DZIP1L: variants seen among roughly 807,000 people sequenced by gnomAD.
DZIP1L encodes cilium assembly protein DZIP1L.
DZIP1L carries 90 observed loss-of-function variants against 88.7 expected under a neutral mutation model. That is an observed-to-expected ratio of 1.02 (90% CI 0.86 to 1.21). The LOEUF (loss-of-function observed/expected upper bound fraction) is 1.21. DZIP1L is among the 50% of genes most tolerant of loss of function. DZIP1L has a pLI of 0.00. For missense variants in DZIP1L, 932 were observed against 955.8 expected, an observed-to-expected ratio of 0.98 and a Z score of 0.33; for synonymous variants, 363 against 372.1, an observed-to-expected ratio of 0.98 and a Z score of 0.28.
rs1442522015 is a variant in DZIP1L, at chr3:138,084,168, G to A, written c.1148C>T (p.Thr383Ile). The change falls in exon 8 of 16, where the codon ACC becomes ATC. Residue 383 changes from threonine (T) to isoleucine (I), a missense_variant. By Grantham distance (89) the Thr-to-Ile change is moderately conservative. Transcript: ENST00000327532. ...AAAQSQCQIS[T>I]LRAQLQEQAR... is the part of the protein sequence containing the mutation. ...TTGTTCCTGCAGCTGGGCACGGAGG[G>A]TGCTGATCTGGCACTGGGACTGGGC... 2 of 1,614,086 alleles carry A rather than the reference G, an allele frequency of 1.2e-6. No individual in the cohort carries two copies. The highest frequency in any genetic ancestry group is 1.3e-5 in the African/African-American group (1 of 74,938).
chr3:138,113,452 G>T (rs2042648700), intron 1 of DZIP1L: 1 of 152,180 alleles, frequency 6.6e-6, no homozygotes, highest in Non-Finnish European at 1.5e-5. Context: ...AGTTTCCAAG[G>T]TGGCTGCCAG....
rs1185644420 is a variant in DZIP1L at position 138,063,274 on chromosome 3, C to A, written c.2143-297G>T. On this transcript the variant is annotated intron_variant, in intron 15 of 15. Coordinates refer to ENST00000327532, the MANE Select transcript of DZIP1L (RefSeq NM_173543.3). This position sits in a 1 kb window ranked among gnomAD's most constrained non-coding sequence, Gnocchi z 4.1. ...GAGAAGGTTGCTCTCATTTTCACTT[C>A]AACTTTGGGCAGATTTTTAACTCCC... 6.6e-6 allele frequency among the ~76,000 whole-genome samples: 1 copy of A among 152,206 alleles called. No homozygotes were observed. The highest frequency in any genetic ancestry group is 2.1e-4 in the South Asian group (1 of 4,824).
At chr3:138,111,837 A>C (rs1158366800) in intron 1 of DZIP1L, among the ~76,000 whole-genome samples, 1 of 152,116 alleles carries the variant, frequency 6.6e-6, no homozygotes, top group Non-Finnish European at 1.5e-5. Context: ...TCTACTAAAA[A>C]TACAAAAATT....
chr3:138,067,159 T>C (rs905962802), intron 14 of DZIP1L, among the ~76,000 whole-genome samples: 2 of 152,174 alleles, frequency 1.3e-5, no homozygotes, highest in African/African-American at 4.8e-5. Context: ...TCCTGGGCCC[T>C]GTCACCACTA....
intron 7 of DZIP1L, 102 bp from the exon 8 acceptor site, chr3:138,084,355 A>C: frequency 6.9e-7 from 1 of 1,452,280 alleles, no homozygotes. Context: ...AGGCAAGCAC[A>C]GTAAAGGATT....
intron 15 of DZIP1L, among the ~76,000 whole-genome samples, chr3:138,064,161 C>T (rs535524837): frequency 1.3e-5 from 2 of 152,260 alleles, no homozygotes; most frequent in African/African-American, 4.8e-5. Flanking sequence ...TAAATATTCC[C>T]ATCTTGTGCT....
At chr3:138,111,663 G>C (rs763354992) in intron 1 of DZIP1L, among the ~76,000 whole-genome samples, 1 of 152,140 alleles carries the variant, frequency 6.6e-6, no homozygotes, top group Non-Finnish European at 1.5e-5. Flanking sequence ...AGAACCCTAA[G>C]GGTCCAATTC....
intron 1 of DZIP1L, among the ~76,000 whole-genome samples, chr3:138,106,142 T>C (rs1377477645): frequency 7.3e-6 from 1 of 136,364 alleles, no homozygotes; most frequent in African/African-American, 2.7e-5. Context: ...TTTTTTTTTT[T>C]TTTTTTTTTT....
chr3:138,103,433 A>G (rs778899406), intron 2 of DZIP1L, 38 bp downstream of exon 2: 1 of 1,559,276 alleles, frequency 6.4e-7, no homozygotes. Flanking sequence ...TGGGGCACAC[A>G]GCCCTCCCAC....
chr3:138,064,656 C>G lies in DZIP1L; in HGVS notation c.2114G>C (p.Arg705Thr). 1 of 1,614,184 alleles carries G rather than the reference C, an allele frequency of 6.2e-7. No homozygotes were observed. ...AGGCTTCCTTCCTGGTGTGGCAGCC[C>G]TCTGTGGCCCAGCATTGGGCATAAA... The part of the protein sequence containing the change: ...LFFMPNAGPQ[R>T]AATPGRKPQL... The change falls in exon 15 of 16, where the codon AGG becomes ACG. Residue 705 changes from arginine (R) to threonine (T), a missense_variant. By Grantham distance (71) the Arg-to-Thr change is moderately conservative. Transcript: ENST00000327532.
chr3:138,090,873 G>A (rs143803704), intron 5 of DZIP1L, among the ~76,000 whole-genome samples: 1,768 of 151,832 alleles, frequency 0.012, 22 homozygotes, highest in Middle Eastern at 0.034. Flanking sequence ...GGGAAGATAT[G>A]GTCAAGGGAT....
chr3:138,101,765 TG>T, intron 2 of DZIP1L: 1 of 1,029,634 alleles, frequency 9.7e-7, no homozygotes, highest in South Asian at 1.3e-5. Flanking sequence ...TTCCTATAGG[TG>T]GCGATCTTGA....
intron 1 of DZIP1L, among the ~76,000 whole-genome samples, chr3:138,109,234 T>C (rs1267682114): frequency 6.6e-6 from 1 of 152,246 alleles, no homozygotes. Flanking sequence ...ATTTTATGTA[T>C]AGACACTGTT....
chr3:138,062,988 TA>T lies in DZIP1L; in HGVS notation c.2143-12del. ...CTCATCTTCAGAAAGCTGCAGGGGGTAAAGGGGAGAAGAAAATGCATTTTGA... is the reference window on the plus strand; with the variant it reads ...CTCATCTTCAGAAAGCTGCAGGGGGTAAGGGGAGAAGAAAATGCATTTTGA... On this transcript the variant is annotated splice_polypyrimidine_tract_variant and intron_variant, in intron 15 of 15. Transcript: ENST00000327532. 2 of 1,612,546 alleles carry T rather than the reference TA, an allele frequency of 1.2e-6. No individual in the cohort carries two copies. Among genetic ancestry groups the T allele is most frequent in the Non-Finnish European group, 1.7e-6 (2 of 1,179,560 alleles).
At chr3:138,091,334 C>T (rs551103214) in intron 5 of DZIP1L, among the ~76,000 whole-genome samples, 23 of 151,390 alleles carry the variant, frequency 1.5e-4, no homozygotes, top group Middle Eastern at 3.4e-3. Flanking sequence ...GAAAGAATGA[C>T]GGCCGGGCGC....
chr3:138,080,580 GTCC>G lies in DZIP1L; in HGVS notation c.1272_1274del (p.Glu424del). ...GTAAGGTCCCACCTTCCTCTGGAGA[GTCC>G]TCCTCTGTGTCCACAGCCTTTGGCA... On this transcript the variant is annotated inframe_deletion, in exon 10 of 16. Coordinates refer to ENST00000327532, the MANE Select transcript of DZIP1L (RefSeq NM_173543.3). The G allele has an allele frequency of 6.2e-7, 1 of 1,613,924 alleles. No homozygotes were observed. Among genetic ancestry groups the G allele is most frequent in the Non-Finnish European group, 8.5e-7 (1 of 1,179,862 alleles).
At chr3:138,070,032 G>A (rs1943104735) in intron 12 of DZIP1L, among the ~76,000 whole-genome samples, 2 of 152,340 alleles carry the variant, frequency 1.3e-5, no homozygotes, top group African/African-American at 4.8e-5. Context: ...GAACAAAGGT[G>A]TGTGGGAGTG....
intron 1 of DZIP1L, among the ~76,000 whole-genome samples, chr3:138,104,445 G>T (rs1354457553): frequency 6.6e-6 from 1 of 152,254 alleles, no homozygotes; most frequent in Non-Finnish European, 1.5e-5. Flanking sequence ...AAAGGCCTTT[G>T]TCAGCAGGTG....
intron 14 of DZIP1L, among the ~76,000 whole-genome samples, chr3:138,067,079 C>G (rs1203892880): frequency 6.6e-6 from 1 of 152,084 alleles, no homozygotes; most frequent in African/African-American, 2.4e-5. Flanking sequence ...CTGGAGGGGC[C>G]CCCACTTTGG....
Sources: gnomAD v4.1 joint callset for allele counts (sites outside exome capture counted in the v4.1 genomes callset) on GRCh38, gnomAD v4.1.1 for gene constraint, Gnocchi (gnomAD v3.1) non-coding constraint, MANE v1.5 for transcripts, NCBI Gene and HGNC (gene_info 2026-07-23, HGNC 2026-07-21) for gene names.